DPYD: variants seen among roughly 807,000 people sequenced by gnomAD.
The protein encoded by DPYD is dihydropyrimidine dehydrogenase [NADP(+)].
DPYD carries 109 observed loss-of-function variants against 116.2 expected under a neutral mutation model. The ratio of observed to expected loss-of-function variants is 0.94; its 90% CI spans 0.80 to 1.10. DPYD has a LOEUF of 1.10. Among genes scored for constraint, DPYD ranks in the 50% least tolerant of loss-of-function variants. DPYD has a pLI of 0.00. For missense variants in DPYD, 1,302 were observed against 1,254.5 expected, an observed-to-expected ratio of 1.04 and a Z score of -0.57; for synonymous variants, 440 against 432.0, an observed-to-expected ratio of 1.02 and a Z score of -0.23.
At position 97,562,436 on chromosome 1, in the gene DPYD, G is replaced by C. The variant is rs75811501; in HGVS notation, c.1339+11324C>G. Among the ~76,000 whole-genome samples the C allele has an allele frequency of 7.3e-3, 1,115 of 152,042 alleles. 11 individuals are homozygous for C. Among genetic ancestry groups the C allele is most frequent in the African/African-American group, 0.025 (1,051 of 41,496 alleles). ...TTGCCATTCTTTCACATACTTGTAT[G>C]GAAAAAATGGTCAGGTAAGTCTTGA... On this transcript the variant is annotated intron_variant, in intron 11 of 22. Transcript: ENST00000370192.
At chr1:97,596,418 A>G (rs1026197558) in intron 8 of DPYD, among the ~76,000 whole-genome samples, 8 of 152,202 alleles carry the variant, frequency 5.3e-5, no homozygotes, top group Non-Finnish European at 1.0e-4. Flanking sequence ...AAAACTTTGA[A>G]AGGAAAATAA....
At chr1:97,465,639 G>A (rs1048378037) in intron 13 of DPYD, among the ~76,000 whole-genome samples, 3 of 152,164 alleles carry the variant, frequency 2.0e-5, no homozygotes, top group Admixed American at 6.5e-5. Context: ...TAAGTAAGAC[G>A]TGACTTGCTC....
At chr1:97,216,306 TACTC>T (rs1305108598) in intron 19 of DPYD, among the ~76,000 whole-genome samples, 2 of 152,048 alleles carry the variant, frequency 1.3e-5, no homozygotes, top group Non-Finnish European at 2.9e-5. Context: ...TTTTTATTAA[TACTC>T]AGATAAAACA....
intron 20 of DPYD, among the ~76,000 whole-genome samples, chr1:97,134,520 T>C (rs1653634062): frequency 6.6e-6 from 1 of 152,150 alleles, no homozygotes; most frequent in African/African-American, 2.4e-5. Flanking sequence ...TTTCTTGCAG[T>C]TGTGATAAGA....
At position 97,595,429 on chromosome 1, in the gene DPYD, CA is replaced by C. The variant is rs1258107921; in HGVS notation, c.851-264del. Among the ~76,000 whole-genome samples, 9 of 151,926 alleles carry C rather than the reference CA, an allele frequency of 5.9e-5. No individual in the cohort carries two copies. The East Asian group carries it at 1.7e-3, about 29-fold the overall frequency. ...AAATATATGGAAACATATGTATATA[CA>C]CACATAAACATATATAACATTACAG... On this transcript the variant is annotated intron_variant, in intron 8 of 22. Coordinates refer to ENST00000370192, the MANE Select transcript of DPYD (RefSeq NM_000110.4).
At chr1:97,281,885 C>A (rs1665346272) in intron 18 of DPYD, among the ~76,000 whole-genome samples, 1 of 151,964 alleles carries the variant, frequency 6.6e-6, no homozygotes, top group East Asian at 1.9e-4. Flanking sequence ...TTATATATTG[C>A]CTTTAAATAT....
Position 97,478,067 on chromosome 1 carries a change from C to G in DPYD, c.1741-27844G>C, listed in dbSNP as rs555652890. On this transcript the variant is annotated intron_variant, in intron 13 of 22. Coordinates refer to ENST00000370192, the MANE Select transcript of DPYD (RefSeq NM_000110.4). ...AAATTACTCCATGATCCATTGGGTGCAGAATGGATATGTGTTAGAAGACAT... is the reference window on the plus strand; with the variant it reads ...AAATTACTCCATGATCCATTGGGTGGAGAATGGATATGTGTTAGAAGACAT... Among the ~76,000 whole-genome samples the G allele has an allele frequency of 2.6e-5, 4 of 152,138 alleles. No individual in the cohort carries two copies. In the East Asian group the frequency reaches 7.7e-4, roughly 29 times the overall value.
intron 8 of DPYD, among the ~76,000 whole-genome samples, chr1:97,598,056 A>G (rs1403037617): frequency 6.6e-6 from 1 of 152,224 alleles, no homozygotes; most frequent in East Asian, 1.9e-4. Context: ...GTGAATACTC[A>G]TTAAACATTA....
intron 14 of DPYD, chr1:97,419,924 C>T (rs889291944): frequency 7.2e-5 from 11 of 152,264 alleles, no homozygotes; most frequent in East Asian, 1.9e-4. Context: ...CCTTTATTCT[C>T]GCATAGTCTT....
At chr1:97,851,440 T>C (rs1426744373) in intron 2 of DPYD, among the ~76,000 whole-genome samples, 1 of 151,898 alleles carries the variant, frequency 6.6e-6, no homozygotes, top group African/African-American at 2.4e-5. Flanking sequence ...ATGCACATAG[T>C]GCATGTAAGG....
intron 20 of DPYD, among the ~76,000 whole-genome samples, chr1:97,188,392 TC>T (rs1254457383): frequency 1.3e-5 from 2 of 152,206 alleles, no homozygotes; most frequent in African/African-American, 4.8e-5. Context: ...ACATTGACTT[TC>T]TTTTTTCCTC....
chr1:97,368,583 C>CTATTTTTCTTTTGATAGCTGA (rs1671160949), intron 16 of DPYD, among the ~76,000 whole-genome samples: 1 of 152,180 alleles, frequency 6.6e-6, no homozygotes, highest in South Asian at 2.1e-4. Flanking sequence ...TTTATAGCTC[C>CTATTTTTCTTTTGATAGCTGA]TGGGCAACTA....
chr1:97,308,910 G>A (rs971705377), intron 16 of DPYD, among the ~76,000 whole-genome samples: 1 of 151,836 alleles, frequency 6.6e-6, no homozygotes, highest in African/African-American at 2.4e-5. Context: ...AGGAGAAGAA[G>A]AAGAGGAAGA....
At chr1:97,900,874 A>G (rs1314696569) in intron 1 of DPYD, among the ~76,000 whole-genome samples, 1 of 151,844 alleles carries the variant, frequency 6.6e-6, no homozygotes, top group African/African-American at 2.4e-5. Context: ...CCCAAGATAC[A>G]CCATGCAAAA....
At chr1:97,403,160 T>C (rs1570676438) in intron 14 of DPYD, among the ~76,000 whole-genome samples, 1 of 152,046 alleles carries the variant, frequency 6.6e-6, no homozygotes, top group African/African-American at 2.4e-5. Flanking sequence ...TGACTTACGA[T>C]GGGGTTAAGT....
intron 18 of DPYD, among the ~76,000 whole-genome samples, chr1:97,245,151 A>G (rs1260925773): frequency 3.3e-5 from 5 of 152,136 alleles, no homozygotes; most frequent in Admixed American, 6.6e-5. Flanking sequence ...ACATCATTAC[A>G]AGTCACATAT....
intron 12 of DPYD, among the ~76,000 whole-genome samples, chr1:97,529,656 CCTT>C (rs1384744716): frequency 6.6e-6 from 1 of 151,480 alleles, no homozygotes; most frequent in African/African-American, 2.4e-5. Context: ...TTTATCCCTT[CCTT>C]TTTTTCTTTT....
intron 18 of DPYD, among the ~76,000 whole-genome samples, chr1:97,266,339 C>T (rs1054164007): frequency 3.9e-5 from 6 of 152,098 alleles, no homozygotes; most frequent in Non-Finnish European, 1.5e-5. Context: ...AGAGAAGATA[C>T]GTCTGCACCA....
At chr1:97,188,882 CCTT>C (rs1277452762) in intron 20 of DPYD, among the ~76,000 whole-genome samples, 2 of 152,130 alleles carry the variant, frequency 1.3e-5, no homozygotes, top group Admixed American at 1.3e-4. Context: ...CTATCTCACT[CCTT>C]CTATTCTGGC....
Sources: allele counts gnomAD v4.1 joint callset (sites outside exome capture counted in the v4.1 genomes callset), GRCh38; gene constraint gnomAD v4.1.1; transcripts MANE v1.5; gene names NCBI Gene and HGNC (gene_info 2026-07-23, HGNC 2026-07-21).